Variants in IARS2 observed in about 807,000 individuals in gnomAD.
IARS2 encodes isoleucyl-tRNA synthetase 2, mitochondrial.
IARS2 carries 56 observed loss-of-function variants against 126.3 expected under a neutral mutation model. The observed-to-expected ratio is 0.44, with a 90% CI of 0.36 to 0.55. IARS2 has a LOEUF of 0.55. IARS2 is among the 20% of genes least tolerant of loss of function. The pLI, the probability that IARS2 is intolerant of heterozygous loss-of-function variation, is 0.00. For missense variants in IARS2, 1,127 were observed against 1,245.9 expected (o/e 0.90, Z 1.44); for synonymous variants, 407 against 441.1 (o/e 0.92, Z 0.97).
chr1:220,117,009 G>A (rs1380991607), intron 12 of IARS2, among the ~76,000 whole-genome samples: 2 of 151,930 alleles, frequency 1.3e-5, no homozygotes, highest in African/African-American at 4.8e-5. Context: ...GCCTCCCAGA[G>A]TGCTGAGATT....
intron 10 of IARS2, among the ~76,000 whole-genome samples, chr1:220,107,958 G>T (rs1267436024): frequency 6.6e-6 from 1 of 152,166 alleles, no homozygotes; most frequent in African/African-American, 2.4e-5. Flanking sequence ...ATGTGCAGTG[G>T]CATGCTTTCA....
rs199647842 is a variant in IARS2 at position 220,113,400 on chromosome 1, CCTT to C, written c.1480-910_1480-908del. On this transcript the variant is annotated intron_variant, in intron 11 of 22. Transcript: ENST00000366922. ...ACGGTGAGTGAGGAAACCATTTAAA[CCTT>C]CTTTGAAAATGTAAAAATGCTTTTA... 8.2e-3 allele frequency among the ~76,000 whole-genome samples: 1,243 copies of C among 152,220 alleles called. 11 individuals are homozygous for C. The highest frequency in any genetic ancestry group is 0.021 in the South Asian group (101 of 4,822).
In IARS2 at chr1:220,145,552, A is replaced by C. The variant is rs1218154267; in HGVS notation, c.2795A>C (p.Glu932Ala). The C allele has an allele frequency of 8.7e-6, 14 of 1,613,656 alleles. No homozygotes were observed. Among genetic ancestry groups the C allele is most frequent in the Non-Finnish European group, 1.1e-5 (13 of 1,179,742 alleles). ...ACTTCCAGCACCTCTCAGTTGAATG[A>C]ATTAATGATGGCTTCTGAGTCAACT... ...EETSSTSQLN[E>A]LMMASESTLL... The change falls in exon 22 of 23, where the codon GAA becomes GCA. Residue 932 changes from glutamate to alanine, a missense_variant. By Grantham distance (107) the Glu-to-Ala change is moderately radical (BLOSUM62 -1). Coordinates refer to ENST00000366922, the MANE Select transcript of IARS2 (RefSeq NM_018060.4).
In IARS2 at chr1:220,094,250, G is replaced by T; in HGVS notation, c.34G>T (p.Ala12Ser). 1 of 1,598,610 alleles carries T rather than the reference G, an allele frequency of 6.3e-7. No homozygotes were observed. The highest frequency in any genetic ancestry group is 8.5e-7 in the Non-Finnish European group (1 of 1,172,696). Residue 12 changes from alanine to serine, a missense_variant, in exon 1 of 23, where the codon GCG becomes TCG. By Grantham distance (99) the Ala-to-Ser change is moderately conservative. Coordinates refer to ENST00000366922, the MANE Select transcript of IARS2 (RefSeq NM_018060.4). ...RWGLRPRGPG[A>S]AALATARSLW... ...GGGGCTGCGCCCTCGCGGGCCGGGC[G>T]CGGCCGCCCTGGCCACTGCCCGAAG...
chr1:220,126,935 G>A (rs1558127775), intron 14 of IARS2, 92 bp downstream of exon 14: 1 of 869,552 alleles, frequency 1.2e-6, no homozygotes. Flanking sequence ...CTCTTTTTCT[G>A]TGTGTGCTTT....
chr1:220,114,548 G>T (rs1233973930), intron 12 of IARS2, 74 bp downstream of exon 12: 3 of 1,134,828 alleles, frequency 2.6e-6, no homozygotes, highest in Non-Finnish European at 3.9e-6. Flanking sequence ...AAATAATGTG[G>T]ATGATTAAGA....
At chr1:220,099,403 G>A (rs1300542712) in intron 2 of IARS2, among the ~76,000 whole-genome samples, 1 of 151,988 alleles carries the variant, frequency 6.6e-6, no homozygotes, top group African/African-American at 2.4e-5. Context: ...ACATTTTTGA[G>A]ATATATCACA....
chr1:220,110,388 C>T (rs1290420547), intron 10 of IARS2, among the ~76,000 whole-genome samples: 4 of 152,010 alleles, frequency 2.6e-5, no homozygotes, highest in African/African-American at 4.8e-5. Flanking sequence ...TTTTTTGAGA[C>T]GGAGTCTCGC....
intron 19 of IARS2, 22 bp from the exon 20 acceptor site, chr1:220,141,781 T>G: frequency 6.2e-7 from 1 of 1,612,454 alleles, no homozygotes; most frequent in Non-Finnish European, 8.5e-7. Context: ...TGTCAACTGC[T>G]GAATAAGTTG....
chr1:220,128,030 C>T (rs1309914245), intron 14 of IARS2, among the ~76,000 whole-genome samples: 1 of 152,048 alleles, frequency 6.6e-6, no homozygotes, highest in Admixed American at 6.6e-5. Flanking sequence ...GATGATGGCC[C>T]CACAAGATGA....
chr1:220,129,388 AG>A (rs1250667479), intron 14 of IARS2, among the ~76,000 whole-genome samples: 2 of 151,596 alleles, frequency 1.3e-5, no homozygotes, highest in Non-Finnish European at 2.9e-5. Context: ...CTTCTCTTCT[AG>A]TTATTTTGAA....
At position 220,094,135 on chromosome 1, in the gene IARS2, C is replaced by A; in HGVS notation, c.-82C>A. On this transcript the variant is annotated 5_prime_UTR_variant, in exon 1 of 23. Transcript: ENST00000366922. ...CCCGGAGCGCGTGCGCCCTCTTACT[C>A]GGCTCCCCTTGGTTTCCTGGGGTCC... The A allele has an allele frequency of 1.6e-6, 2 of 1,218,480 alleles. No homozygotes were observed. Among genetic ancestry groups the A allele is most frequent in the East Asian group, 4.3e-5 (1 of 23,122 alleles). 75.5% of individuals were successfully genotyped at this position (1,218,480 alleles called of 1,614,324 possible).
intron 12 of IARS2, among the ~76,000 whole-genome samples, chr1:220,124,484 C>T (rs1290586429): frequency 6.6e-6 from 1 of 152,152 alleles, no homozygotes; most frequent in African/African-American, 2.4e-5. Context: ...TTGCCAACTG[C>T]TGTATCTCTA....
Position 220,147,807 on chromosome 1 carries a change from A to G in IARS2, c.*172A>G, listed in dbSNP as rs116157806. 1.3e-3 allele frequency: 831 copies of G among 624,524 alleles called. 4 individuals carry two copies. The highest frequency in any genetic ancestry group is 2.1e-3 in the Non-Finnish European group (745 of 361,232). 38.7% of individuals were successfully genotyped at this position (624,524 alleles called of 1,614,324 possible). A position where few individuals can be genotyped will look rare whatever the true frequency, so the allele number is the denominator to read the frequency against. ...TAGAAGAAGTATTTCCTGTAACTATAGAAAGAATTATGTATATATACATGC... is the reference window on the plus strand; with the variant it reads ...TAGAAGAAGTATTTCCTGTAACTATGGAAAGAATTATGTATATATACATGC... On this transcript the variant is annotated 3_prime_UTR_variant, in exon 23 of 23. Transcript: ENST00000366922.
chr1:220,106,715 C>T (rs542302665), intron 9 of IARS2, among the ~76,000 whole-genome samples: 1 of 151,094 alleles, frequency 6.6e-6, no homozygotes, highest in African/African-American at 2.4e-5. Context: ...TCACTGCAAC[C>T]TCTACCTCCA....
At chr1:220,119,211 T>C (rs1656987592) in intron 12 of IARS2, among the ~76,000 whole-genome samples, 1 of 152,146 alleles carries the variant, frequency 6.6e-6, no homozygotes, top group African/African-American at 2.4e-5. Flanking sequence ...TCATGCTACC[T>C]AGTGGATTTT....
intron 21 of IARS2, among the ~76,000 whole-genome samples, chr1:220,144,661 G>A (rs1466079913): frequency 6.6e-6 from 1 of 152,046 alleles, no homozygotes; most frequent in Admixed American, 6.6e-5. Flanking sequence ...TGTTTCCTTT[G>A]TCTTCAGTCT....
intron 12 of IARS2, among the ~76,000 whole-genome samples, chr1:220,118,609 G>C (rs1204896092): frequency 6.6e-6 from 1 of 152,072 alleles, no homozygotes; most frequent in Admixed American, 6.6e-5. Flanking sequence ...GGAAGGAAAA[G>C]AAGTTGGTTA....
chr1:220,145,419 A>G, intron 21 of IARS2, 90 bp from the exon 22 acceptor site: 1 of 1,244,368 alleles, frequency 8.0e-7, no homozygotes, highest in Non-Finnish European at 1.1e-6. Context: ...GTTCCTCTCT[A>G]AACGTGAGAT....
Sources: gnomAD v4.1 joint callset for allele counts (sites outside exome capture counted in the v4.1 genomes callset) on GRCh38, gnomAD v4.1.1 for gene constraint, MANE v1.5 for transcripts, NCBI Gene and HGNC (gene_info 2026-07-23, HGNC 2026-07-21) for gene names.